UGT1A5: variants seen among roughly 807,000 people sequenced by gnomAD.
UGT1A5 encodes the protein UDP-glucuronosyltransferase 1A5.
Under a neutral mutation model 40.3 loss-of-function variants are expected in UGT1A5, and 29 were observed. That is an observed-to-expected ratio of 0.72 (90% CI 0.54 to 0.98). The LOEUF (loss-of-function observed/expected upper bound fraction) is 0.98. UGT1A5 is among the 50% of genes least tolerant of loss of function. The pLI, the probability that UGT1A5 is intolerant of heterozygous loss-of-function variation, is 0.00. For synonymous variants in UGT1A5, 257 were observed against 262.5 expected, an observed-to-expected ratio of 0.98 and a Z score of 0.20; for missense variants, 678 against 677.9, an observed-to-expected ratio of 1.00 and a Z score of 0.00.
chr2:233,739,185 T>C (rs1265092555), intron 1 of UGT1A5: 3 of 152,264 alleles, frequency 2.0e-5, no homozygotes, highest in Admixed American at 2.0e-4. Context: ...AATGCTTGGA[T>C]GTCCAGGCAG....
intron 1 of UGT1A5, among the ~76,000 whole-genome samples, chr2:233,758,114 C>T (rs192892910): frequency 7.9e-5 from 12 of 152,298 alleles, no homozygotes; most frequent in South Asian, 2.1e-4. Context: ...AGGGCTCACA[C>T]GTTCCATAAA....
chr2:233,731,860 A>G (rs2078213759), intron 1 of UGT1A5, among the ~76,000 whole-genome samples: 1 of 152,222 alleles, frequency 6.6e-6, no homozygotes, highest in Non-Finnish European at 1.5e-5. Context: ...GAATCGCCAC[A>G]CTGTCTTCCA....
intron 1 of UGT1A5, among the ~76,000 whole-genome samples, chr2:233,730,664 G>A (rs11891311): frequency 0.41 from 62,447 of 151,822 alleles, 13,776 homozygotes; most frequent in African/African-American, 0.57. Context: ...GAGTTCGGAA[G>A]GCAAAGTAAT....
chr2:233,752,739 T>C (rs1241633720), intron 1 of UGT1A5, among the ~76,000 whole-genome samples: 1 of 152,224 alleles, frequency 6.6e-6, no homozygotes, highest in East Asian at 1.9e-4. Context: ...AGAGAGACCC[T>C]GTCTCTAAAA....
chr2:233,728,519 T>A (rs554437278), intron 1 of UGT1A5, among the ~76,000 whole-genome samples: 5 of 152,180 alleles, frequency 3.3e-5, no homozygotes, highest in Admixed American at 1.3e-4. Context: ...TTTTCTATAT[T>A]GACAGCCACT....
At chr2:233,770,445 G>A (rs1397015735) in intron 4 of UGT1A5, 1 of 152,118 alleles carries the variant, frequency 6.6e-6, no homozygotes, top group Middle Eastern at 3.2e-3. Flanking sequence ...CTTGAGGTTA[G>A]GAGTTCGAAA....
intron 1 of UGT1A5, among the ~76,000 whole-genome samples, chr2:233,721,312 C>T (rs966115699): frequency 1.3e-5 from 2 of 152,056 alleles, no homozygotes; most frequent in Admixed American, 6.5e-5. Context: ...GTGATTGTGG[C>T]TCTTTTCTTG....
At chr2:233,768,032 T>A in intron 3 of UGT1A5, 96 bp downstream of exon 3, 1 of 1,612,548 alleles carries the variant, frequency 6.2e-7, no homozygotes, top group Non-Finnish European at 8.5e-7. Flanking sequence ...AGCTTGAAAA[T>A]ATTATGGCCA....
In UGT1A5 at chr2:233,718,993, C is replaced by T. The variant is rs141408391; in HGVS notation, c.867+5135C>T. On this transcript the variant is annotated intron_variant, in intron 1 of 4. Transcript: ENST00000373414. ...GAGCTCCATGCCAGAGGCCACCAGG[C>T]GGTGGTCCTCACCCCAGAGGTGAAT... 743 of 1,614,156 alleles carry T rather than the reference C, an allele frequency of 4.6e-4. 9 individuals carry two copies. In the South Asian group the frequency reaches 5.4e-3, roughly 12 times the overall value.
intron 2 of UGT1A5, 65 bp downstream of exon 2, chr2:233,767,230 G>C: frequency 2.5e-6 from 4 of 1,610,018 alleles, no homozygotes; most frequent in South Asian, 2.2e-5. Context: ...CAGACTTCCA[G>C]CTTCCAGATT....
At chr2:233,715,990 C>G (rs1207588761) in intron 1 of UGT1A5, among the ~76,000 whole-genome samples, 3 of 152,156 alleles carry the variant, frequency 2.0e-5, no homozygotes, top group Non-Finnish European at 4.4e-5. Context: ...TAAAACACAA[C>G]AAAACCCAAA....
intron 1 of UGT1A5, chr2:233,719,148 T>C (rs763386476): frequency 6.2e-7 from 1 of 1,614,150 alleles, no homozygotes; most frequent in African/African-American, 1.3e-5. Context: ...TCTGAAGAGA[T>C]ATTCTAGAAG....
At chr2:233,719,560 A>C (rs1443276179) in intron 1 of UGT1A5, 1 of 1,613,812 alleles carries the variant, frequency 6.2e-7, no homozygotes, top group Admixed American at 1.7e-5. Context: ...TCAGTGGTGG[A>C]TCTTGTCAGC....
chr2:233,747,780 C>A, intron 1 of UGT1A5: 1 of 1,613,502 alleles, frequency 6.2e-7, no homozygotes, highest in South Asian at 1.1e-5. Flanking sequence ...GTGTCCAAAT[C>A]CTTCCTCCTA....
At chr2:233,732,349 T>A (rs1331822531) in intron 1 of UGT1A5, among the ~76,000 whole-genome samples, 1 of 152,014 alleles carries the variant, frequency 6.6e-6, no homozygotes, top group Non-Finnish European at 1.5e-5. Flanking sequence ...GGTGTTTTAG[T>A]CATGAAGTCC....
chr2:233,759,597 C>T (rs1299391040), intron 1 of UGT1A5, among the ~76,000 whole-genome samples: 1 of 140,706 alleles, frequency 7.1e-6, no homozygotes, highest in Admixed American at 7.3e-5. Flanking sequence ...CCCCCACCCC[C>T]GACCCGCCCC....
chr2:233,716,324 A>G (rs1170478675), intron 1 of UGT1A5, among the ~76,000 whole-genome samples: 4 of 152,226 alleles, frequency 2.6e-5, no homozygotes, highest in Non-Finnish European at 5.9e-5. Flanking sequence ...AATGGAATAT[A>G]TTCCCAGGTT....
chr2:233,763,634 G>A (rs185655809), intron 1 of UGT1A5, among the ~76,000 whole-genome samples: 42 of 152,196 alleles, frequency 2.8e-4, no homozygotes, highest in Admixed American at 6.5e-4. Flanking sequence ...TGTGTTGATG[G>A]TCCTATTCTC....
At chr2:233,732,140 G>A (rs1172524883) in intron 1 of UGT1A5, among the ~76,000 whole-genome samples, 1 of 135,546 alleles carries the variant, frequency 7.4e-6, no homozygotes, top group African/African-American at 2.8e-5. Flanking sequence ...TTGTTTGTTT[G>A]TTTTTTTTCT....
Sources: allele counts gnomAD v4.1 joint callset (sites outside exome capture counted in the v4.1 genomes callset), GRCh38; gene constraint gnomAD v4.1.1; transcripts MANE v1.5; gene names NCBI Gene and HGNC (gene_info 2026-07-23, HGNC 2026-07-21).